Variants in KIAA2012 observed in about 807,000 individuals in gnomAD.
KIAA2012 encodes KIAA2012.
In KIAA2012, 125 loss-of-function variants were observed where a neutral mutation model predicts 150.6. The ratio of observed to expected loss-of-function variants is 0.83; its 90% CI spans 0.72 to 0.96. The LOEUF (loss-of-function observed/expected upper bound fraction) is 0.96. Among genes scored for constraint, KIAA2012 ranks in the 40% least tolerant of loss-of-function variants. The probability of loss-of-function intolerance (pLI) is 0.00; values close to 1 mark genes in which losing one functional copy is unlikely to be tolerated. For missense variants in KIAA2012, 1,219 were observed against 1,354.9 expected (o/e 0.90, Z 1.57); for synonymous variants, 462 against 504.7 (o/e 0.92, Z 1.13).
intron 5 of KIAA2012, among the ~76,000 whole-genome samples, chr2:202,098,711 C>T (rs1016082793): frequency 1.3e-5 from 2 of 151,790 alleles, no homozygotes; most frequent in Admixed American, 6.6e-5. Flanking sequence ...TAAAATGGAG[C>T]TATTATCATA....
intron 19 of KIAA2012, among the ~76,000 whole-genome samples, chr2:202,192,798 G>C (rs1267874097): frequency 5.3e-5 from 8 of 152,048 alleles, no homozygotes; most frequent in Non-Finnish European, 1.5e-5. Flanking sequence ...TTGCCACCCA[G>C]GAGTGCAGTG....
intron 19 of KIAA2012, 141 bp from the exon 20 acceptor site, chr2:202,193,160 T>C (rs1025229276): frequency 2.6e-6 from 2 of 775,448 alleles, no homozygotes; most frequent in African/African-American, 1.8e-5. Context: ...GGTGGCTGAG[T>C]CTATGCAGCT....
chr2:202,160,342 C>A (rs907415275), intron 14 of KIAA2012, among the ~76,000 whole-genome samples: 1 of 122,580 alleles, frequency 8.2e-6, no homozygotes, highest in Non-Finnish European at 1.6e-5. Flanking sequence ...GAGATGGAGT[C>A]TCGCTCTGTC....
At chr2:202,101,114 A>T (rs1313178603) in intron 7 of KIAA2012, among the ~76,000 whole-genome samples, 1 of 152,226 alleles carries the variant, frequency 6.6e-6, no homozygotes, top group East Asian at 1.9e-4. Context: ...TTATCTGTGT[A>T]TCCAGATAAT....
intron 12 of KIAA2012, among the ~76,000 whole-genome samples, chr2:202,133,107 A>AAAAAG (rs1690990481): frequency 1.2e-5 from 1 of 85,978 alleles, no homozygotes; most frequent in African/African-American, 4.7e-5. Context: ...TGTCTAAAAA[A>AAAAAG]AAATATATAT....
intron 13 of KIAA2012, among the ~76,000 whole-genome samples, chr2:202,153,324 A>T (rs1047659229): frequency 1.3e-5 from 2 of 152,006 alleles, no homozygotes; most frequent in African/African-American, 4.8e-5. Flanking sequence ...GGAGGTGCTC[A>T]TGCTCTGGGT....
chr2:202,132,800 A>ATTTTTT (rs1267750024), intron 12 of KIAA2012, among the ~76,000 whole-genome samples: 7 of 78,064 alleles, frequency 9.0e-5, no homozygotes, highest in South Asian at 9.2e-4. Context: ...ATATATATAT[A>ATTTTTT]TATTTTTTTT....
rs35465850 is a variant in KIAA2012 at position 202,105,822 on chromosome 2, T to TC, written c.1390dup (p.Leu464ProfsTer30). 1 of 1,550,634 alleles carries TC rather than the reference T, an allele frequency of 6.4e-7. No individual in the cohort carries two copies. Among genetic ancestry groups the TC allele is most frequent in the Non-Finnish European group, 8.7e-7 (1 of 1,147,008 alleles). On this transcript the variant is annotated frameshift_variant, in exon 9 of 24. Coordinates refer to ENST00000498697, the MANE Select transcript of KIAA2012 (RefSeq NM_001277372.4). LOFTEE classifies it high-confidence loss of function. Reference sequence around the variant, plus strand: ...AAGAATCCACACCTGTGTGGAGACCTCCCCTGAAGCATGCGTCCTTAGAAA... The same window carrying TC: ...AAGAATCCACACCTGTGTGGAGACCTCCCCCTGAAGCATGCGTCCTTAGAAA...
At chr2:202,127,900 C>T (rs961636047) in intron 12 of KIAA2012, among the ~76,000 whole-genome samples, 1 of 152,140 alleles carries the variant, frequency 6.6e-6, no homozygotes, top group African/African-American at 2.4e-5. Context: ...ATTGTGCAAA[C>T]AGTCTCCAGA....
chr2:202,099,540 G>T (rs1689987324), intron 5 of KIAA2012, 73 bp from the exon 6 acceptor site: 1 of 1,233,340 alleles, frequency 8.1e-7, no homozygotes, highest in Non-Finnish European at 1.1e-6. Context: ...CTAGCCACAA[G>T]GGCTGTTAAA....
At position 202,113,370 on chromosome 2, in the gene KIAA2012, G is replaced by C; in HGVS notation, c.1686G>C (p.Leu562Phe). The change falls in exon 11 of 24, where the codon TTG becomes TTC. Residue 562 changes from leucine to phenylalanine, a missense_variant. By Grantham distance (22) the Leu-to-Phe change is conservative (BLOSUM62 0). Coordinates refer to ENST00000498697, the MANE Select transcript of KIAA2012 (RefSeq NM_001277372.4). ...GCGACCCTACACTGGGACACTTCTTGCTGGGTCCAGATGGAGAAAAAGTCT... is the reference window on the plus strand; with the variant it reads ...GCGACCCTACACTGGGACACTTCTTCCTGGGTCCAGATGGAGAAAAAGTCT... ...DSSDPTLGHFLLGPDGEKVCL... is the reference protein window; with the variant it reads ...DSSDPTLGHFFLGPDGEKVCL... 1 of 1,550,702 alleles carries C rather than the reference G, an allele frequency of 6.4e-7. No homozygotes were observed. The highest frequency in any genetic ancestry group is 8.7e-7 in the Non-Finnish European group (1 of 1,146,998).
intron 13 of KIAA2012, 138 bp from the exon 14 acceptor site, chr2:202,154,534 CA>C: frequency 1.3e-6 from 1 of 754,228 alleles, no homozygotes; most frequent in East Asian, 2.8e-5. Context: ...GTGTCTTCAA[CA>C]GTAACAATAG....
At position 202,104,735 on chromosome 2, in the gene KIAA2012, A is replaced by G. The variant is rs1310272719; in HGVS notation, c.1325-1026A>G. 2.0e-5 allele frequency among the ~76,000 whole-genome samples: 3 copies of G among 152,216 alleles called. No homozygotes were observed. Among genetic ancestry groups the G allele is most frequent in the Non-Finnish European group, 4.4e-5 (3 of 68,038 alleles). On this transcript the variant is annotated intron_variant, in intron 8 of 23. Coordinates refer to ENST00000498697, the MANE Select transcript of KIAA2012 (RefSeq NM_001277372.4). The surrounding 1 kb of genome is among the most constrained non-coding windows in gnomAD (Gnocchi z 4.3). The stretch of plus-strand genomic sequence containing the variant: ...GAACTCTGGGTTGGTTGGGGTGCAT[A>G]TGACAGGTATGTTCCCAGGTGAGTC...
At position 202,190,499 on chromosome 2, in the gene KIAA2012, G is replaced by A. The variant is rs1410958613; in HGVS notation, c.2811+6G>A. Reference sequence around the variant, plus strand: ...GATGTGAGGACCCTTCCAAGGTAGGGTCTGATGTCCTCAGCTTGACAGAGG... The same window carrying A: ...GATGTGAGGACCCTTCCAAGGTAGGATCTGATGTCCTCAGCTTGACAGAGG... On this transcript the variant is annotated splice_donor_region_variant and intron_variant, in intron 19 of 23. Transcript: ENST00000498697. 2 of 1,492,916 alleles carry A rather than the reference G, an allele frequency of 1.3e-6. No homozygotes were observed. The highest frequency in any genetic ancestry group is 1.3e-5 in the South Asian group (1 of 74,538). 92.5% of individuals were successfully genotyped at this position (1,492,916 alleles called of 1,614,324 possible).
chr2:202,141,386 G>A (rs1341372511), intron 13 of KIAA2012, among the ~76,000 whole-genome samples: 19 of 151,930 alleles, frequency 1.3e-4, no homozygotes. Flanking sequence ...AGGTGGTGGG[G>A]GCAGGGGTAA....
intron 15 of KIAA2012, among the ~76,000 whole-genome samples, chr2:202,166,690 A>G (rs924002694): frequency 1.3e-5 from 2 of 151,762 alleles, no homozygotes; most frequent in Non-Finnish European, 2.9e-5. Context: ...AAAAAGGATC[A>G]ATTTTCTCCC....
At chr2:202,092,517 CT>C (rs1689749678) in intron 3 of KIAA2012, among the ~76,000 whole-genome samples, 1 of 152,208 alleles carries the variant, frequency 6.6e-6, no homozygotes, top group South Asian at 2.1e-4. Context: ...CACAAGAGAG[CT>C]TTGTCTCTCC....
intron 14 of KIAA2012, among the ~76,000 whole-genome samples, chr2:202,155,945 CA>C (rs146192011): frequency 0.02 from 3,121 of 152,250 alleles, 110 homozygotes; most frequent in African/African-American, 0.07. Context: ...GAATATAAAC[CA>C]AATGTGGGTC....
Position 202,073,562 on chromosome 2 carries a change from G to A in KIAA2012, c.-66G>A, listed in dbSNP as rs527683028. On this transcript the variant is annotated 5_prime_UTR_variant, in exon 1 of 24. It adds an upstream start codon to the 5' untranslated region. Coordinates refer to ENST00000498697, the MANE Select transcript of KIAA2012 (RefSeq NM_001277372.4). The stretch of plus-strand genomic sequence containing the variant: ...CTGTGAGCTCTGGAAATCTTGAGGT[G>A]TGACCAGATTTCAGCCTTCAAAACC... The A allele has an allele frequency of 2.9e-6, 4 of 1,386,772 alleles. No homozygotes were observed. Among genetic ancestry groups the A allele is most frequent in the East Asian group, 2.5e-5 (1 of 40,020 alleles). The allele number at this position is 1,386,772 out of a possible 1,614,324, so 85.9% of individuals were successfully genotyped here. A position where few individuals can be genotyped will look rare whatever the true frequency, so the allele number is the denominator to read the frequency against.
Sources: allele counts gnomAD v4.1 joint callset (sites outside exome capture counted in the v4.1 genomes callset), GRCh38; gene constraint gnomAD v4.1.1; non-coding constraint Gnocchi (gnomAD v3.1); transcripts MANE v1.5; gene names NCBI Gene and HGNC (gene_info 2026-07-23, HGNC 2026-07-21).